The following ELL2 variants were observed in gnomAD, a reference collection of about 807,000 sequenced individuals.
The protein encoded by ELL2 is RNA polymerase II elongation factor ELL2.
In ELL2, 21 loss-of-function variants were observed where a neutral mutation model predicts 72.8. That is an observed-to-expected ratio of 0.29 (90% confidence interval 0.20 to 0.42). The LOEUF (loss-of-function observed/expected upper bound fraction) is 0.42, where lower values mean the gene tolerates loss of function less well. ELL2 is among the 10% of genes least tolerant of loss of function. The probability of loss-of-function intolerance (pLI) is 1.00; values close to 1 mark genes in which losing one functional copy is unlikely to be tolerated. For synonymous variants in ELL2, 266 were observed against 283.2 expected (o/e 0.94, Z 0.61); for missense variants, 568 against 772.8 (o/e 0.73, Z 3.14).
chr5:95,907,296 A>ATATATATATATATATATATTTTTTTTT, intron 4 of ELL2, among the ~76,000 whole-genome samples: 2 of 116,520 alleles, frequency 1.7e-5, no homozygotes, highest in African/African-American at 8.2e-5. Context: ...ATATATATAT[A>ATATATATATATATATATATTTTTTTTT]TTTTTTTTTT....
intron 7 of ELL2, among the ~76,000 whole-genome samples, chr5:95,899,812 C>T (rs13174591): frequency 0.073 from 11,152 of 152,190 alleles, 587 homozygotes; most frequent in Non-Finnish European, 0.1. Context: ...AGTGAGACTT[C>T]CACAGACATT....
intron 1 of ELL2, among the ~76,000 whole-genome samples, chr5:95,943,541 C>T (rs1467624257): frequency 2.0e-5 from 3 of 151,976 alleles, no homozygotes; most frequent in African/African-American, 4.8e-5. Context: ...TGTATTGTTG[C>T]ATAGTTTCCT....
intron 2 of ELL2, among the ~76,000 whole-genome samples, chr5:95,922,869 T>A (rs539099636): frequency 6.6e-6 from 1 of 152,366 alleles, no homozygotes; most frequent in South Asian, 2.1e-4. Context: ...GAAATTTGTG[T>A]TACACATAGA....
chr5:95,922,119 A>G (rs1287377256), intron 2 of ELL2, among the ~76,000 whole-genome samples: 1 of 151,688 alleles, frequency 6.6e-6, no homozygotes, highest in Non-Finnish European at 1.5e-5. Context: ...GCTGGAGTGC[A>G]GTGGCACGAT....
intron 9 of ELL2, among the ~76,000 whole-genome samples, chr5:95,893,255 G>T (rs995932517): frequency 1.3e-5 from 2 of 152,168 alleles, no homozygotes; most frequent in African/African-American, 4.8e-5. Flanking sequence ...TCTACAGTTG[G>T]CTGTTTATGT....
At chr5:95,903,451 G>A (rs1054545454) in intron 5 of ELL2, among the ~76,000 whole-genome samples, 2 of 151,514 alleles carry the variant, frequency 1.3e-5, no homozygotes, top group Non-Finnish European at 1.5e-5. Flanking sequence ...GGCTAGTCTC[G>A]AATTCCTGAC....
intron 8 of ELL2, among the ~76,000 whole-genome samples, chr5:95,896,105 A>G (rs1310766110): frequency 6.6e-6 from 1 of 152,242 alleles, no homozygotes; most frequent in Admixed American, 6.5e-5. Context: ...ATGAGACAAT[A>G]GAGTCAGGTA....
chr5:95,946,340 C>T (rs1346871586), intron 1 of ELL2, among the ~76,000 whole-genome samples: 1 of 152,148 alleles, frequency 6.6e-6, no homozygotes, highest in African/African-American at 2.4e-5. Flanking sequence ...ATATCAGACA[C>T]CAAAGAAAGA....
intron 3 of ELL2, among the ~76,000 whole-genome samples, chr5:95,914,673 G>A (rs558955802): frequency 2.0e-5 from 3 of 152,086 alleles, no homozygotes; most frequent in African/African-American, 7.2e-5. Context: ...GGGCAACATG[G>A]AGAAACCCCA....
chr5:95,892,632 G>A (rs1476946886), intron 9 of ELL2, among the ~76,000 whole-genome samples: 1 of 152,068 alleles, frequency 6.6e-6, no homozygotes, highest in Admixed American at 6.5e-5. Flanking sequence ...CCCCTTGGGG[G>A]TACACATATA....
chr5:95,958,876 G>A (rs1453492320), intron 1 of ELL2, among the ~76,000 whole-genome samples: 1 of 151,820 alleles, frequency 6.6e-6, no homozygotes, highest in Non-Finnish European at 1.5e-5. Flanking sequence ...CAAAGACATT[G>A]ACGACTTTGG....
chr5:95,954,583 CTTTTTTTTTTTTCTTT>C (rs1751553044), intron 1 of ELL2, among the ~76,000 whole-genome samples: 2 of 98,664 alleles, frequency 2.0e-5, no homozygotes, highest in African/African-American at 7.8e-5. Context: ...ATTTTCTTTT[CTTTTTTTTTTTTCTTT>C]TTTTTTTTTT....
chr5:95,900,924 A>G, intron 6 of ELL2, 32 bp downstream of exon 6: 4 of 1,577,200 alleles, frequency 2.5e-6, no homozygotes, highest in Non-Finnish European at 3.4e-6. Flanking sequence ...TTAAAGAAAC[A>G]TTTTTTTAAA....
chr5:95,896,822 C>G (rs981982212), intron 8 of ELL2, among the ~76,000 whole-genome samples: 3 of 152,226 alleles, frequency 2.0e-5, no homozygotes, highest in Non-Finnish European at 4.4e-5. Flanking sequence ...AGGTCTCCAA[C>G]TCTGAGAACA....
At chr5:95,931,265 C>A (rs1295694675) in intron 2 of ELL2, among the ~76,000 whole-genome samples, 1 of 152,108 alleles carries the variant, frequency 6.6e-6, no homozygotes, top group South Asian at 2.1e-4. Context: ...AATGATATTA[C>A]CCACCTCATA....
At chr5:95,906,214 A>C (rs1233842354) in intron 5 of ELL2, among the ~76,000 whole-genome samples, 2 of 152,236 alleles carry the variant, frequency 1.3e-5, no homozygotes, top group Non-Finnish European at 2.9e-5. Flanking sequence ...AATTAAGGCA[A>C]TACTTTAGTG....
chr5:95,898,108 A>AAAT, intron 8 of ELL2, 132 bp downstream of exon 8: 1 of 697,254 alleles, frequency 1.4e-6, no homozygotes, highest in Non-Finnish European at 2.1e-6. Context: ...AAAAAAAAAA[A>AAAT]CTGCTCAAAA....
intron 1 of ELL2, among the ~76,000 whole-genome samples, chr5:95,954,337 T>G (rs903850317): frequency 1.3e-5 from 2 of 151,906 alleles, no homozygotes; most frequent in Non-Finnish European, 2.9e-5. Context: ...GGGGTACTCC[T>G]CCTAGTGCCA....
intron 4 of ELL2, among the ~76,000 whole-genome samples, chr5:95,907,294 A>ATTTTTTTTTT (rs201354039): frequency 1.3e-5 from 1 of 79,572 alleles, no homozygotes; most frequent in African/African-American, 6.6e-5. Context: ...ATATATATAT[A>ATTTTTTTTTT]TATTTTTTTT....
Sources: allele counts gnomAD v4.1 joint callset (sites outside exome capture counted in the v4.1 genomes callset), GRCh38; gene constraint gnomAD v4.1.1; transcripts MANE v1.5; gene names NCBI Gene and HGNC (gene_info 2026-07-23, HGNC 2026-07-21).